The following ZNF248 variants were observed in gnomAD, a reference collection of about 807,000 sequenced individuals.
The protein encoded by ZNF248 is KRAB protein domain.
In ZNF248, 20 loss-of-function variants were observed where a neutral mutation model predicts 44.3. The observed-to-expected ratio is 0.45, with a 90% confidence interval of 0.32 to 0.66. ZNF248 has a LOEUF of 0.66. Among genes scored for constraint, ZNF248 ranks in the 30% least tolerant of loss-of-function variants. The pLI is 0.04. For missense variants in ZNF248, 654 were observed against 677.0 expected (o/e 0.97, Z 0.38); for synonymous variants, 224 against 229.0 (o/e 0.98, Z 0.20).
chr10:37,820,467 GCTGTTCTA>G, intron 6 of ZNF248: 1 of 1,592,662 alleles, frequency 6.3e-7, no homozygotes, highest in Non-Finnish European at 8.6e-7. Context: ...CCACAGAGGG[GCTGTTCTA>G]CTTGTCACAG....
chr10:37,843,017 CAAAGACTGAGAGA>C (rs2058633469), intron 3 of ZNF248, among the ~76,000 whole-genome samples: 1 of 152,136 alleles, frequency 6.6e-6, no homozygotes, highest in Non-Finnish European at 1.5e-5. Flanking sequence ...AGTCAATGTG[CAAAGACTGAGAGA>C]AATGTTTGTT....
rs1275705473 is a variant in ZNF248, at chr10:37,784,826, A to C, written c.331-8251T>G. Among the ~76,000 whole-genome samples, 4 of 152,182 alleles carry C rather than the reference A, an allele frequency of 2.6e-5. No individual in the cohort carries two copies. The South Asian group carries it at 8.3e-4, about 32-fold the overall frequency. Reference sequence around the variant, plus strand: ...GTACTCTGCTTACCTTGGTAAGATAAGTGTTTGGTAGAGGTTGAGAGAAAA... The same window carrying C: ...GTACTCTGCTTACCTTGGTAAGATACGTGTTTGGTAGAGGTTGAGAGAAAA... On this transcript the variant is annotated intron_variant, in intron 6 of 6. Coordinates refer to the ZNF248 transcript ENST00000615949.
chr10:37,766,607 C>A, the ZNF248 span, among the ~76,000 whole-genome samples: 1 of 152,164 alleles, frequency 6.6e-6, no homozygotes. Context: ...AGGACATCCA[C>A]ACCAAAAACC....
chr10:37,853,492 C>T (rs1050319994), intron 3 of ZNF248, among the ~76,000 whole-genome samples: 9 of 152,176 alleles, frequency 5.9e-5, no homozygotes, highest in Non-Finnish European at 1.5e-5. Context: ...ATTCTCCTGC[C>T]TCAGCCTCCC....
At chr10:37,817,977 G>A (rs748993157) in intron 6 of ZNF248, among the ~76,000 whole-genome samples, 18 of 151,974 alleles carry the variant, frequency 1.2e-4, no homozygotes, top group African/African-American at 1.9e-4. Flanking sequence ...GTGCAGTGGC[G>A]TGATCTCGGC....
At chr10:37,845,760 T>C (rs376619422) in intron 3 of ZNF248, among the ~76,000 whole-genome samples, 1 of 152,158 alleles carries the variant, frequency 6.6e-6, no homozygotes, top group East Asian at 1.9e-4. Context: ...GGAGTCAACA[T>C]GTTTCAAAGT....
intron 3 of ZNF248, among the ~76,000 whole-genome samples, chr10:37,855,291 T>C (rs2061073554): frequency 1.3e-5 from 2 of 152,172 alleles, no homozygotes; most frequent in African/African-American, 4.8e-5. Flanking sequence ...GTTTTAATGA[T>C]TAAATGTCAC....
intron 3 of ZNF248, among the ~76,000 whole-genome samples, chr10:37,852,207 A>G (rs2060395640): frequency 6.6e-6 from 1 of 151,948 alleles, no homozygotes; most frequent in Non-Finnish European, 1.5e-5. Flanking sequence ...AGATCTTGCC[A>G]TTGCACTCCA....
chr10:37,778,818 A>T (rs1161554969), intron 6 of ZNF248, among the ~76,000 whole-genome samples: 2 of 152,226 alleles, frequency 1.3e-5, no homozygotes, highest in Admixed American at 6.5e-5. Context: ...GCAATAAAAA[A>T]TGATAAAGGG....
At chr10:37,777,708 C>A in intron 6 of ZNF248, among the ~76,000 whole-genome samples, 1 of 136,444 alleles carries the variant, frequency 7.3e-6, no homozygotes, top group East Asian at 2.3e-4. Flanking sequence ...ACAACAGTCC[C>A]CAGAGTGTGA....
intron 5 of ZNF248, among the ~76,000 whole-genome samples, chr10:37,835,360 A>G (rs2056927691): frequency 6.6e-6 from 1 of 152,230 alleles, no homozygotes; most frequent in Non-Finnish European, 1.5e-5. Context: ...CATTCAAGAT[A>G]GCAGTAACAT....
At chr10:37,804,357 C>T (rs2050241140) in intron 6 of ZNF248, among the ~76,000 whole-genome samples, 1 of 151,882 alleles carries the variant, frequency 6.6e-6, no homozygotes. Context: ...TACTTAATTA[C>T]TGAGTAGAAA....
At chr10:37,806,373 A>G (rs1457462379) in intron 6 of ZNF248, among the ~76,000 whole-genome samples, 1 of 152,110 alleles carries the variant, frequency 6.6e-6, no homozygotes, top group Admixed American at 6.5e-5. Context: ...ACTACACTTG[A>G]TATTTTTTCT....
At chr10:37,840,115 A>G (rs1342321578) in intron 3 of ZNF248, among the ~76,000 whole-genome samples, 1 of 152,232 alleles carries the variant, frequency 6.6e-6, no homozygotes, top group East Asian at 1.9e-4. Context: ...AAATTTTTAA[A>G]TGTTTTAAAT....
At chr10:37,823,681 C>T (rs1033427537) in intron 6 of ZNF248, among the ~76,000 whole-genome samples, 1 of 151,988 alleles carries the variant, frequency 6.6e-6, no homozygotes, top group South Asian at 2.1e-4. Context: ...TCAAGCGATT[C>T]TTGTGTCTTA....
downstream of ZNF248, among the ~76,000 whole-genome samples, chr10:37,828,406 A>G (rs1327068714): frequency 2.6e-5 from 4 of 152,178 alleles, no homozygotes; most frequent in African/African-American, 4.8e-5. Context: ...CTGACTTTCA[A>G]TAGATTACAG....
Position 37,831,102 on chromosome 10 carries a change from T to C in ZNF248, c.*513A>G, listed in dbSNP as rs565350977. The C allele has an allele frequency of 1.3e-4, 175 of 1,393,272 alleles. 2 individuals are homozygous for C. In the South Asian group the frequency reaches 2.8e-3, roughly 23 times the overall value. The allele number at this position is 1,393,272 out of a possible 1,614,324, so 86.3% of individuals were successfully genotyped here. A position where few individuals can be genotyped will look rare whatever the true frequency, so the allele number is the denominator to read the frequency against. On this transcript the variant is annotated 3_prime_UTR_variant, in exon 6 of 6. Transcript: ENST00000395867. ...TCAACCTATAAAGACACCAATGGTA[T>C]TTAGTGTAGAAAATATTAACAAATA...
At chr10:37,769,438 T>C in the ZNF248 span, among the ~76,000 whole-genome samples, 1 of 152,200 alleles carries the variant, frequency 6.6e-6, no homozygotes, top group Non-Finnish European at 1.5e-5. Flanking sequence ...TCAAGTGGGC[T>C]TCATCCCTGG....
chr10:37,819,985 CTCT>C, intron 6 of ZNF248: 1 of 770,852 alleles, frequency 1.3e-6, no homozygotes, highest in Admixed American at 1.8e-5. Context: ...GTCTTGCATG[CTCT>C]TATCTCTACA....
Sources: allele counts gnomAD v4.1 joint callset (sites outside exome capture counted in the v4.1 genomes callset), GRCh38; gene constraint gnomAD v4.1.1; transcripts MANE v1.5; gene names NCBI Gene and HGNC (gene_info 2026-07-23, HGNC 2026-07-21).